The following ZNF729 variants were observed in gnomAD, a reference collection of about 807,000 sequenced individuals.
ZNF729 encodes zinc finger protein 729.
ZNF729 carries 15 observed loss-of-function variants against 12.2 expected under a neutral mutation model. The observed-to-expected ratio is 1.23, with a 90% CI of 0.82 to 1.89. The LOEUF (loss-of-function observed/expected upper bound fraction) is 1.89. ZNF729 is among the 40% of genes most tolerant of loss of function. ZNF729 has a pLI of 0.00. For synonymous variants in ZNF729, 492 were observed against 476.3 expected, an observed-to-expected ratio of 1.03 and a Z score of -0.43; for missense variants, 1,540 against 1,456.7, an observed-to-expected ratio of 1.06 and a Z score of -0.93.
intron 2 of ZNF729, 76 bp downstream of exon 2, chr19:22,303,960 G>C: frequency 1.4e-6 from 2 of 1,405,540 alleles, no homozygotes; most frequent in South Asian, 2.5e-5. Context: ...AATGTGTTTT[G>C]GTGATTTATG....
chr19:22,298,021 A>AC (rs1555783785), intron 1 of ZNF729, among the ~76,000 whole-genome samples: 2,846 of 149,682 alleles, frequency 0.019, 95 homozygotes, highest in African/African-American at 0.067. Context: ...AAAAAAAAAA[A>AC]AAAAAACACA....
chr19:22,286,611 G>A, intron 1 of ZNF729, 56 bp downstream of exon 1: 1 of 1,610,920 alleles, frequency 6.2e-7, no homozygotes, highest in East Asian at 2.2e-5. Flanking sequence ...TGGAACCGGT[G>A]GGAAGTGGCT....
chr19:22,314,932 A>G lies in ZNF729; in HGVS notation c.1515A>G (p.Arg505=), dbSNP rs1968507887. 6 of 1,612,836 alleles carry G rather than the reference A, an allele frequency of 3.7e-6. No individual in the cohort carries two copies. Among genetic ancestry groups the G allele is most frequent in the African/African-American group, 1.3e-5 (1 of 74,890 alleles). ...TTAACCATTTCTCAGACCTTAGAAG[A>G]CATAAGATAATTCATACTGGAAAGA... The part of the protein sequence containing the change: ...KAFNHFSDLR[R]HKIIHTGKKP... Residue 505 remains arginine, a synonymous_variant, in exon 4 of 4, where the codon AGA becomes AGG. Coordinates refer to ENST00000601693, the MANE Select transcript of ZNF729 (RefSeq NM_001242680.2).
Position 22,315,465 on chromosome 19 carries a change from C to A in ZNF729, c.2048C>A (p.Pro683Gln), listed in dbSNP as rs751333662. Reference sequence around the variant, plus strand: ...AAGATAATTCATACTGGAAAGAAACCGTACAAATGTGAAGAATGTGGCAAA... The same window carrying A: ...AAGATAATTCATACTGGAAAGAAACAGTACAAATGTGAAGAATGTGGCAAA... ...RHKIIHTGKKPYKCEECGKAF... is the reference protein window; with the variant it reads ...RHKIIHTGKKQYKCEECGKAF... Residue 683 changes from proline (P) to glutamine (Q), a missense_variant, in exon 4 of 4, where the codon CCG becomes CAG. Pro to Gln is a moderately conservative substitution (Grantham distance 76, BLOSUM62 -1). Transcript: ENST00000601693. 2.5e-6 allele frequency: 4 copies of A among 1,611,866 alleles called. No individual in the cohort carries two copies. The highest frequency in any genetic ancestry group is 3.3e-5 in the Admixed American group (2 of 59,898).
At chr19:22,309,231 G>A (rs968767223) in intron 3 of ZNF729, among the ~76,000 whole-genome samples, 2 of 152,134 alleles carry the variant, frequency 1.3e-5, no homozygotes, top group Non-Finnish European at 2.9e-5. Flanking sequence ...TGGATCACGA[G>A]GTCAGGAGTT....
intron 1 of ZNF729, among the ~76,000 whole-genome samples, chr19:22,293,967 T>TA (rs1387405343): frequency 6.6e-6 from 1 of 152,240 alleles, no homozygotes; most frequent in Middle Eastern, 3.2e-3. Flanking sequence ...AGAAGATATT[T>TA]AGTTTAATTA....
Position 22,303,710 on chromosome 19 carries a change from C to T in ZNF729, c.31-48C>T, listed in dbSNP as rs565701577. 21 of 1,481,762 alleles carry T rather than the reference C, an allele frequency of 1.4e-5. 1 individual carries two copies. In the East Asian group the frequency reaches 5.3e-4, roughly 37 times the overall value. The allele number at this position is 1,481,762 out of a possible 1,614,324, so 91.8% of individuals were successfully genotyped here. On this transcript the variant is annotated intron_variant, in intron 1 of 3. Transcript: ENST00000601693. ...CTTGAGTCAAATTAAAAATTTCTGC[C>T]CATGGCCACTTGGGAAATGTATATG...
intron 1 of ZNF729, among the ~76,000 whole-genome samples, chr19:22,301,958 A>C (rs969078420): frequency 1.3e-5 from 2 of 152,306 alleles, no homozygotes; most frequent in African/African-American, 4.8e-5. Flanking sequence ...TGCCTGGCTC[A>C]TCATTGGGTC....
At chr19:22,292,569 C>T (rs1365839617) in intron 1 of ZNF729, among the ~76,000 whole-genome samples, 1 of 152,034 alleles carries the variant, frequency 6.6e-6, no homozygotes, top group African/African-American at 2.4e-5. Flanking sequence ...CCCCAAGTAG[C>T]TGGGACTACA....
intron 1 of ZNF729, among the ~76,000 whole-genome samples, chr19:22,293,511 T>TTTTTTA (rs1568571046): frequency 1.4e-5 from 2 of 145,130 alleles, no homozygotes; most frequent in African/African-American, 5.3e-5. Flanking sequence ...TTTTTTTTTT[T>TTTTTTA]GAGACAGTTT....
chr19:22,290,181 T>C (rs1172356636), intron 1 of ZNF729, among the ~76,000 whole-genome samples: 2 of 152,206 alleles, frequency 1.3e-5, no homozygotes, highest in Non-Finnish European at 2.9e-5. Context: ...GGGAGTCTTC[T>C]CTGCAGATAT....
At chr19:22,306,540 C>T (rs1443280682) in intron 3 of ZNF729, among the ~76,000 whole-genome samples, 7 of 147,914 alleles carry the variant, frequency 4.7e-5, no homozygotes, top group East Asian at 2.0e-4. Context: ...TCTTGTTTAA[C>T]TATTTTTTGT....
chr19:22,296,976 T>A (rs1968236943), intron 1 of ZNF729, among the ~76,000 whole-genome samples: 1 of 152,178 alleles, frequency 6.6e-6, no homozygotes, highest in African/African-American at 2.4e-5. Flanking sequence ...TTTTTGAATT[T>A]GCTGGGGATT....
chr19:22,291,444 C>G (rs1568570382), intron 1 of ZNF729, among the ~76,000 whole-genome samples: 1 of 152,186 alleles, frequency 6.6e-6, no homozygotes, highest in Non-Finnish European at 1.5e-5. Flanking sequence ...ATAGGTACCA[C>G]CCCCAGCAAT....
Position 22,303,959 on chromosome 19 carries a change from T to C in ZNF729, c.157+75T>C, listed in dbSNP as rs1040770592. The C allele has an allele frequency of 4.9e-6, 7 of 1,417,850 alleles. No individual in the cohort carries two copies. The African/African-American group carries it at 1.0e-4, about 21-fold the overall frequency. The allele number at this position is 1,417,850 out of a possible 1,614,324, so 87.8% of individuals were successfully genotyped here. On this transcript the variant is annotated intron_variant, in intron 2 of 3. Coordinates refer to ENST00000601693, the MANE Select transcript of ZNF729 (RefSeq NM_001242680.2). ...TTTCTCTTTTCTGTAGAATGTGTTT[T>C]GGTGATTTATGCTTACTATAAATGA...
chr19:22,287,961 T>G (rs1052334672), intron 1 of ZNF729, among the ~76,000 whole-genome samples: 11 of 151,578 alleles, frequency 7.3e-5, no homozygotes, highest in African/African-American at 2.7e-4. Flanking sequence ...TTCTCCTGCC[T>G]CAACCTCCTG....
In ZNF729 at chr19:22,315,827, G is replaced by A; in HGVS notation, c.2410G>A (p.Ala804Thr). Reference sequence around the variant, plus strand: ...CTACAAGTGTGAAGAATGTGGTAAAGCTTTTAAGTGGTCCTCAAAGCTTAC... The same window carrying A: ...CTACAAGTGTGAAGAATGTGGTAAAACTTTTAAGTGGTCCTCAAAGCTTAC... Reference protein sequence around the residue: ...KPYKCEECGKAFKWSSKLTVH... With the variant: ...KPYKCEECGKTFKWSSKLTVH... The change falls in exon 4 of 4, where the codon GCT becomes ACT. Residue 804 changes from alanine to threonine, a missense_variant. By Grantham distance (58) the Ala-to-Thr change is moderately conservative. Coordinates refer to ENST00000601693, the MANE Select transcript of ZNF729 (RefSeq NM_001242680.2). 6.2e-7 allele frequency: 1 copy of A among 1,610,760 alleles called. No individual in the cohort carries two copies. Among genetic ancestry groups the A allele is most frequent in the Non-Finnish European group, 8.5e-7 (1 of 1,179,664 alleles).
At position 22,317,036 on chromosome 19, in the gene ZNF729, A is replaced by G. The variant is rs1968558544; in HGVS notation, c.3619A>G (p.Lys1207Glu). 1 of 1,610,516 alleles carries G rather than the reference A, an allele frequency of 6.2e-7. No individual in the cohort carries two copies. The highest frequency in any genetic ancestry group is 1.3e-5 in the African/African-American group (1 of 74,518). Residue 1207 changes from lysine to glutamate, a missense_variant, in exon 4 of 4, where the codon AAA becomes GAA. By Grantham distance (56) the Lys-to-Glu change is moderately conservative. Transcript: ENST00000601693. ...FIQCSYLIRH[K>E]TIHTREKPTN... ...TCAGTGCTCATACCTTATTAGACAT[A>G]AAACAATTCATACCAGAGAGAAACC...
rs773459532 is a variant in ZNF729, at chr19:22,315,966, A to C, written c.2549A>C (p.Lys850Thr). Residue 850 changes from lysine (K) to threonine (T), a missense_variant, in exon 4 of 4, where the codon AAA becomes ACA. Lys to Thr is a moderately conservative substitution (Grantham distance 78). Transcript: ENST00000601693. ...RKHKVIHTGK[K>T]PYKCEECGKA... Reference sequence around the variant, plus strand: ...CATAAGGTAATTCATACTGGAAAGAAACCCTACAAATGTGAAGAATGTGGC... The same window carrying C: ...CATAAGGTAATTCATACTGGAAAGACACCCTACAAATGTGAAGAATGTGGC... 1 of 1,611,212 alleles carries C rather than the reference A, an allele frequency of 6.2e-7. No homozygotes were observed. The highest frequency in any genetic ancestry group is 8.5e-7 in the Non-Finnish European group (1 of 1,179,756).
Sources: gnomAD v4.1 joint callset for allele counts (sites outside exome capture counted in the v4.1 genomes callset) on GRCh38, gnomAD v4.1.1 for gene constraint, MANE v1.5 for transcripts, NCBI Gene and HGNC (gene_info 2026-07-23, HGNC 2026-07-21) for gene names.